The following ARHGEF38 variants were observed in gnomAD, a reference collection of about 807,000 sequenced individuals.
ARHGEF38 encodes Rho guanine nucleotide exchange factor 38, also known as Rho guanine nucleotide exchange factor (GEF) 38.
ARHGEF38 carries 79 observed loss-of-function variants against 79.9 expected under a neutral mutation model. The observed-to-expected ratio is 0.99, with a 90% confidence interval of 0.82 to 1.19. The LOEUF is 1.19. Among genes scored for constraint, ARHGEF38 ranks in the 50% most tolerant of loss-of-function variants. The pLI, the probability that ARHGEF38 is intolerant of heterozygous loss-of-function variation, is 0.00. For synonymous variants in ARHGEF38, 366 were observed against 328.3 expected (o/e 1.11, Z -1.24); for missense variants, 962 against 907.2 (o/e 1.06, Z -0.78).
At chr4:105,566,096 C>T (rs1725872259) in intron 1 of ARHGEF38, among the ~76,000 whole-genome samples, 3 of 152,288 alleles carry the variant, frequency 2.0e-5, no homozygotes, top group Non-Finnish European at 4.4e-5. Context: ...AGAATCTAAT[C>T]ATGTCCCTCA....
chr4:105,654,800 T>C (rs878952629), intron 8 of ARHGEF38, among the ~76,000 whole-genome samples: 6 of 152,216 alleles, frequency 3.9e-5, no homozygotes, highest in Admixed American at 3.9e-4. Flanking sequence ...GTGTCCTTCA[T>C]GCCACCTTGA....
chr4:105,667,239 C>T lies in ARHGEF38; in HGVS notation c.1800C>T (p.Asp600=), dbSNP rs919361410. The change falls in exon 12 of 14, where the codon GAC becomes GAT. Residue 600 remains aspartate, a synonymous_variant. Coordinates refer to ENST00000420470, the MANE Select transcript of ARHGEF38 (RefSeq NM_001242729.2). ...KRKCNATQEY[D]INLLEGDLVA... ...AGTGCAATGCTACACAAGAATATGA[C>T]ATCAATCTTCTGGAAGGAGACTTGG... 3.9e-6 allele frequency: 6 copies of T among 1,536,050 alleles called. No homozygotes were observed. The highest frequency in any genetic ancestry group is 2.7e-5 in the African/African-American group (2 of 73,042).
chr4:105,660,303 A>G (rs950151892), intron 10 of ARHGEF38, among the ~76,000 whole-genome samples: 3 of 152,192 alleles, frequency 2.0e-5, no homozygotes, highest in African/African-American at 7.2e-5. Flanking sequence ...TGCCAGTAAC[A>G]ATAAATGCAA....
chr4:105,677,919 A>G lies in ARHGEF38; in HGVS notation c.2316A>G (p.Gly772=). 6.6e-7 allele frequency: 1 copy of G among 1,523,860 alleles called. No homozygotes were observed. The highest frequency in any genetic ancestry group is 8.8e-7 in the Non-Finnish European group (1 of 1,139,190). The allele number at this position is 1,523,860 out of a possible 1,614,324, so 94.4% of individuals were successfully genotyped here. The stretch of plus-strand genomic sequence containing the variant: ...GATACGTGCCAGCTAACTACCTTGG[A>G]AAGATGACTTATGCTTAAGAAAATA... ...QKGYVPANYL[G]KMTYA Residue 772 remains glycine (G), a synonymous_variant, in exon 14 of 14, where the codon GGA becomes GGG. Coordinates refer to ENST00000420470, the MANE Select transcript of ARHGEF38 (RefSeq NM_001242729.2).
intron 2 of ARHGEF38, among the ~76,000 whole-genome samples, chr4:105,600,097 T>C (rs1280968345): frequency 6.6e-6 from 1 of 152,190 alleles, no homozygotes; most frequent in Non-Finnish European, 1.5e-5. Context: ...ATTAAATGTT[T>C]GTCAAGTGCC....
At chr4:105,616,031 C>G (rs1034927413) in intron 3 of ARHGEF38, among the ~76,000 whole-genome samples, 4 of 152,028 alleles carry the variant, frequency 2.6e-5, no homozygotes, top group Non-Finnish European at 5.9e-5. Context: ...AGGCATGAAG[C>G]CATCGGGATG....
intron 10 of ARHGEF38, 98 bp from the exon 11 acceptor site, chr4:105,666,079 A>G: frequency 9.3e-7 from 1 of 1,073,988 alleles, no homozygotes; most frequent in South Asian, 3.0e-5. Flanking sequence ...TGGAGCTACC[A>G]TATACCTCCT....
intron 5 of ARHGEF38, among the ~76,000 whole-genome samples, chr4:105,637,332 G>A (rs936832606): frequency 1.3e-5 from 2 of 152,134 alleles, no homozygotes; most frequent in African/African-American, 2.4e-5. Flanking sequence ...GACCAGGGCT[G>A]TATATCTCAG....
intron 13 of ARHGEF38, among the ~76,000 whole-genome samples, chr4:105,676,410 G>A (rs1731118211): frequency 6.6e-6 from 1 of 151,624 alleles, no homozygotes; most frequent in Admixed American, 6.6e-5. Context: ...GTTTTGTTTT[G>A]TTCACTGGCA....
At chr4:105,655,213 C>CA (rs377130101) in intron 8 of ARHGEF38, among the ~76,000 whole-genome samples, 3 of 152,176 alleles carry the variant, frequency 2.0e-5, no homozygotes, top group Non-Finnish European at 4.4e-5. Context: ...ATAGATTCAA[C>CA]AAAAAATGTA....
chr4:105,606,147 C>G (rs896948833), intron 2 of ARHGEF38, among the ~76,000 whole-genome samples: 1 of 152,010 alleles, frequency 6.6e-6, no homozygotes, highest in African/African-American at 2.4e-5. Context: ...AGAATTTGCC[C>G]TATATTAATT....
chr4:105,676,137 C>T (rs1480235517), intron 13 of ARHGEF38, among the ~76,000 whole-genome samples: 1 of 152,162 alleles, frequency 6.6e-6, no homozygotes, highest in African/African-American at 2.4e-5. Context: ...TTCCACACTA[C>T]GCATTCTCTT....
chr4:105,585,488 TA>T (rs1395679443), intron 1 of ARHGEF38, among the ~76,000 whole-genome samples: 1 of 90,972 alleles, frequency 1.1e-5, no homozygotes, highest in Admixed American at 1.3e-4. Flanking sequence ...GCTAGAATAG[TA>T]AAAATTCACA....
intron 4 of ARHGEF38, among the ~76,000 whole-genome samples, chr4:105,636,120 T>G (rs1212724564): frequency 6.6e-6 from 1 of 152,096 alleles, no homozygotes; most frequent in African/African-American, 2.4e-5. Flanking sequence ...AAAACATTTA[T>G]TGTACTCCAA....
Position 105,679,177 on chromosome 4 carries a change from C to G in ARHGEF38, c.*1240C>G, listed in dbSNP as rs536976561. On this transcript the variant is annotated 3_prime_UTR_variant, in exon 14 of 14. Transcript: ENST00000420470. ...CTCTCTACCTGACCAATTGCCAGATCGACAACCTGACTGGCCTGACCAGCC... is the reference window on the plus strand; with the variant it reads ...CTCTCTACCTGACCAATTGCCAGATGGACAACCTGACTGGCCTGACCAGCC... 2.0e-5 allele frequency: 12 copies of G among 609,104 alleles called. No individual in the cohort carries two copies. The South Asian group carries it at 2.5e-4, about 13-fold the overall frequency. The allele number at this position is 609,104 out of a possible 1,614,324, so 37.7% of individuals were successfully genotyped here.
At chr4:105,553,358 A>G (rs1322338866) in intron 1 of ARHGEF38, among the ~76,000 whole-genome samples, 3 of 152,194 alleles carry the variant, frequency 2.0e-5, no homozygotes, top group Non-Finnish European at 2.9e-5. Flanking sequence ...ATATTACACC[A>G]TGAGATATAT....
intron 3 of ARHGEF38, among the ~76,000 whole-genome samples, chr4:105,613,995 C>T (rs1728412213): frequency 6.6e-6 from 1 of 151,904 alleles, no homozygotes; most frequent in Non-Finnish European, 1.5e-5. Context: ...TTTTCATGCT[C>T]TCTTTTTTTC....
At chr4:105,655,240 G>A (rs1730273135) in intron 8 of ARHGEF38, among the ~76,000 whole-genome samples, 1 of 152,146 alleles carries the variant, frequency 6.6e-6, no homozygotes, top group Non-Finnish European at 1.5e-5. Context: ...TTCTCTTAAA[G>A]AGAGCATTAA....
At chr4:105,653,943 T>A in intron 7 of ARHGEF38, 122 bp from the exon 8 acceptor site, 1 of 450,744 alleles carries the variant, frequency 2.2e-6, no homozygotes, top group Admixed American at 3.6e-5. Context: ...CAGCATGTCA[T>A]CAAATGTTTT....
Sources: gnomAD v4.1 joint callset for allele counts (sites outside exome capture counted in the v4.1 genomes callset) on GRCh38, gnomAD v4.1.1 for gene constraint, MANE v1.5 for transcripts, NCBI Gene and HGNC (gene_info 2026-07-23, HGNC 2026-07-21) for gene names.